Variants in KHDRBS2 observed in about 807,000 individuals in gnomAD.
KHDRBS2 encodes KH domain-containing, RNA-binding, signal transduction-associated protein 2.
A neutral mutation model predicts 44.3 loss-of-function variants in KHDRBS2; 26 were observed. That is an observed-to-expected ratio of 0.59 (90% confidence interval 0.43 to 0.81). KHDRBS2 has a LOEUF of 0.81. Among genes scored for constraint, KHDRBS2 ranks in the 40% least tolerant of loss-of-function variants. The pLI is 0.00. For missense variants in KHDRBS2, 476 were observed against 433.1 expected, an observed-to-expected ratio of 1.10 and a Z score of -0.88; for synonymous variants, 194 against 151.1, an observed-to-expected ratio of 1.28 and a Z score of -2.08.
the KHDRBS2 span, among the ~76,000 whole-genome samples, chr6:61,590,312 A>G: frequency 6.6e-6 from 1 of 152,166 alleles, no homozygotes; most frequent in Non-Finnish European, 1.5e-5. Context: ...TTCATTCACT[A>G]CCAGACACAT....
the KHDRBS2 span, among the ~76,000 whole-genome samples, chr6:61,588,271 A>G: frequency 3.9e-5 from 6 of 152,322 alleles, no homozygotes; most frequent in South Asian, 1.2e-3. Context: ...TCTAAAAGCA[A>G]CAGTAAGATA....
At chr6:61,783,926 T>A (rs1783412010) in intron 6 of KHDRBS2, among the ~76,000 whole-genome samples, 1 of 152,022 alleles carries the variant, frequency 6.6e-6, no homozygotes, top group African/African-American at 2.4e-5. Flanking sequence ...CATCATTCTT[T>A]TAAATTATAA....
intron 6 of KHDRBS2, among the ~76,000 whole-genome samples, chr6:61,823,887 A>G (rs1790409628): frequency 6.6e-6 from 1 of 152,180 alleles, no homozygotes; most frequent in Admixed American, 6.6e-5. Context: ...ATGAAGAAAT[A>G]ATGTCTGAAA....
At chr6:62,108,836 T>G (rs1212425573) in intron 2 of KHDRBS2, among the ~76,000 whole-genome samples, 8 of 152,226 alleles carry the variant, frequency 5.3e-5, no homozygotes, top group African/African-American at 1.9e-4. Flanking sequence ...CTCAGCAAAC[T>G]ATCGCAAGGA....
intron 6 of KHDRBS2, among the ~76,000 whole-genome samples, chr6:61,890,331 C>T (rs549584715): frequency 6.6e-6 from 1 of 152,156 alleles, no homozygotes; most frequent in African/African-American, 2.4e-5. Context: ...AACATACTCA[C>T]CTCTTAAATT....
intron 6 of KHDRBS2, among the ~76,000 whole-genome samples, chr6:61,833,177 C>T (rs1792111172): frequency 1.3e-5 from 2 of 152,136 alleles, no homozygotes; most frequent in South Asian, 4.1e-4. Context: ...CCTTAGCTAT[C>T]TCAGTGTATC....
chr6:61,744,974 A>G (rs1164771926), intron 6 of KHDRBS2, among the ~76,000 whole-genome samples: 2 of 152,186 alleles, frequency 1.3e-5, no homozygotes, highest in Non-Finnish European at 2.9e-5. Context: ...ATTAATTTCA[A>G]TAGTTTTACA....
chr6:62,268,066 T>A (rs1839489840), intron 1 of KHDRBS2, among the ~76,000 whole-genome samples: 1 of 152,074 alleles, frequency 6.6e-6, no homozygotes, highest in Non-Finnish European at 1.5e-5. Context: ...TGGGAACACA[T>A]TTCAGTATTT....
intron 2 of KHDRBS2, among the ~76,000 whole-genome samples, chr6:62,096,457 T>A (rs976419446): frequency 6.6e-6 from 1 of 151,922 alleles, no homozygotes; most frequent in Non-Finnish European, 1.5e-5. Flanking sequence ...TGGTCAGCTC[T>A]ATGTGTCCAG....
At chr6:61,565,927 A>C in the KHDRBS2 span, among the ~76,000 whole-genome samples, 1 of 152,216 alleles carries the variant, frequency 6.6e-6, no homozygotes, top group South Asian at 2.1e-4. Context: ...TTATTGCAGC[A>C]CTATACACAA....
chr6:61,607,463 G>A, the KHDRBS2 span, among the ~76,000 whole-genome samples: 1 of 78,050 alleles, frequency 1.3e-5, no homozygotes, highest in African/African-American at 5.0e-5. Flanking sequence ...TTTAAAAGAG[G>A]AATATAAAAA....
intron 4 of KHDRBS2, among the ~76,000 whole-genome samples, chr6:61,937,763 G>A (rs1811303787): frequency 6.6e-6 from 1 of 151,962 alleles, no homozygotes; most frequent in South Asian, 2.1e-4. Flanking sequence ...GAAGCCTATG[G>A]TCTTTATTCT....
chr6:62,016,670 G>A (rs1270785231), intron 3 of KHDRBS2, among the ~76,000 whole-genome samples: 2 of 150,566 alleles, frequency 1.3e-5, no homozygotes, highest in Non-Finnish European at 3.0e-5. Flanking sequence ...TATATAGTCT[G>A]ATCGAGAGTG....
intron 1 of KHDRBS2, among the ~76,000 whole-genome samples, chr6:62,270,959 G>T (rs530497830): frequency 3.9e-5 from 6 of 152,156 alleles, no homozygotes; most frequent in African/African-American, 1.4e-4. Flanking sequence ...TACCTACCAT[G>T]TTTTTTCTAC....
chr6:61,735,895 A>C (rs755384611), intron 6 of KHDRBS2, among the ~76,000 whole-genome samples: 3 of 152,008 alleles, frequency 2.0e-5, no homozygotes, highest in Non-Finnish European at 4.4e-5. Context: ...TATTACTTAC[A>C]TGTGACCTAG....
intron 6 of KHDRBS2, among the ~76,000 whole-genome samples, chr6:61,840,323 A>G (rs1793404303): frequency 6.6e-6 from 1 of 152,110 alleles, no homozygotes; most frequent in Non-Finnish European, 1.5e-5. Flanking sequence ...GGTTGCTTGC[A>G]ACATCTCAGT....
intron 3 of KHDRBS2, among the ~76,000 whole-genome samples, chr6:62,025,414 A>AT (rs933642679): frequency 4.0e-5 from 6 of 151,694 alleles, no homozygotes; most frequent in Non-Finnish European, 5.9e-5. Context: ...GAAATATCTT[A>AT]TTTTTTTAAA....
At chr6:61,545,092 T>TA in the KHDRBS2 span, among the ~76,000 whole-genome samples, 15 of 152,084 alleles carry the variant, frequency 9.9e-5, no homozygotes, top group Non-Finnish European at 1.9e-4. Context: ...AAAAAAATTT[T>TA]AAAAAAATTT....
intron 3 of KHDRBS2, among the ~76,000 whole-genome samples, chr6:62,000,128 T>C (rs1330590368): frequency 6.6e-6 from 1 of 152,154 alleles, no homozygotes; most frequent in Non-Finnish European, 1.5e-5. Flanking sequence ...TGTGAGTGTG[T>C]GTGTGTGTGT....
Sources: allele counts gnomAD v4.1 joint callset (sites outside exome capture counted in the v4.1 genomes callset), GRCh38; gene constraint gnomAD v4.1.1; transcripts MANE v1.5; gene names NCBI Gene and HGNC (gene_info 2026-07-23, HGNC 2026-07-21).